NREP: variants seen among roughly 807,000 people sequenced by gnomAD.
The protein encoded by NREP is neuronal regeneration-related protein.
Under a neutral mutation model 8.6 loss-of-function variants are expected in NREP, and 5 were observed. That is an observed-to-expected ratio of 0.58 (90% CI 0.30 to 1.22). NREP has a LOEUF of 1.22. Ranked by LOEUF, NREP falls within the 50% of genes most tolerant of loss-of-function variation. The probability of loss-of-function intolerance (pLI) is 0.07; values close to 1 mark genes in which losing one functional copy is unlikely to be tolerated. For synonymous variants in NREP, 27 were observed against 28.0 expected (o/e 0.96, Z 0.11); for missense variants, 86 against 82.5 (o/e 1.04, Z -0.17).
chr5:111,932,266 ATGT>A (rs1437716822), intron 2 of NREP, among the ~76,000 whole-genome samples: 1 of 152,082 alleles, frequency 6.6e-6, no homozygotes, highest in Non-Finnish European at 1.5e-5. Context: ...TGGGGCATAA[ATGT>A]TGTACCAAAC....
upstream of NREP, among the ~76,000 whole-genome samples, chr5:111,760,743 C>T (rs182004142): frequency 5.4e-4 from 83 of 152,314 alleles, no homozygotes; most frequent in African/African-American, 1.9e-3. Flanking sequence ...TGACTGATGA[C>T]ATCCAGATGG....
rs564370581 is a variant in NREP, at chr5:111,841,775, G to T, written c.136-106268C>A. ...CTCAGTGATTTCGAATAGGTTTAGA[G>T]ACCCCTCTTCTGGTCAATAAGCAGA... On this transcript the variant is annotated intron_variant, in intron 2 of 3. Transcript: ENST00000395634. 2.0e-5 allele frequency among the ~76,000 whole-genome samples: 3 copies of T among 152,196 alleles called. No individual in the cohort carries two copies. The East Asian group carries it at 5.8e-4, about 29-fold the overall frequency.
At position 111,730,177 on chromosome 5, in the gene NREP, TA is replaced by T. The variant is rs1490956005; in HGVS notation, c.*743del. 1.3e-5 allele frequency: 2 copies of T among 152,512 alleles called. No homozygotes were observed. Among genetic ancestry groups the T allele is most frequent in the African/African-American group, 4.8e-5 (2 of 41,412 alleles). The allele number at this position is 152,512 out of a possible 1,614,324, so 9.4% of individuals were successfully genotyped here. A position where few individuals can be genotyped will look rare whatever the true frequency, so the allele number is the denominator to read the frequency against. ...GAGACAATGGTCTCTCACACTCTGGTAGCATTCGCTCAACCTACAACACTGA... is the reference window on the plus strand; with the variant it reads ...GAGACAATGGTCTCTCACACTCTGGTGCATTCGCTCAACCTACAACACTGA... On this transcript the variant is annotated 3_prime_UTR_variant, in exon 4 of 4. Coordinates refer to ENST00000257435, the MANE Select transcript of NREP (RefSeq NM_004772.4).
At chr5:111,819,600 T>C (rs1171441361) in intron 2 of NREP, among the ~76,000 whole-genome samples, 2 of 152,232 alleles carry the variant, frequency 1.3e-5, no homozygotes, top group African/African-American at 4.8e-5. Context: ...TAGTGAACCA[T>C]TGCTCCTGGG....
intron 2 of NREP, among the ~76,000 whole-genome samples, chr5:111,773,302 A>G (rs1249749628): frequency 6.6e-6 from 1 of 152,180 alleles, no homozygotes; most frequent in Non-Finnish European, 1.5e-5. Flanking sequence ...ATAAACATAC[A>G]TAAAAACTAA....
chr5:111,913,515 C>T (rs1374169171), intron 2 of NREP, among the ~76,000 whole-genome samples: 1 of 151,970 alleles, frequency 6.6e-6, no homozygotes, highest in African/African-American at 2.4e-5. Context: ...AGACATCTTC[C>T]CAGATTAACA....
chr5:111,915,071 T>G (rs1755018924), intron 2 of NREP, among the ~76,000 whole-genome samples: 2 of 152,140 alleles, frequency 1.3e-5, no homozygotes, highest in African/African-American at 4.8e-5. Context: ...GTCTTTGTGC[T>G]TGTTTCCTTG....
chr5:111,787,103 G>A (rs1211862053), intron 2 of NREP, among the ~76,000 whole-genome samples: 1 of 152,242 alleles, frequency 6.6e-6, no homozygotes, highest in Non-Finnish European at 1.5e-5. Flanking sequence ...CTTAGGAAAT[G>A]TCTCTGTCCT....
At chr5:111,947,655 T>C (rs113868701) in intron 2 of NREP, among the ~76,000 whole-genome samples, 5 of 152,058 alleles carry the variant, frequency 3.3e-5, no homozygotes, top group Admixed American at 6.6e-5. Context: ...GTGGTATCTA[T>C]AGAGGTTCGA....
intron 2 of NREP, chr5:111,974,252 G>A (rs1298568214): frequency 1.3e-5 from 2 of 152,176 alleles, no homozygotes; most frequent in African/African-American, 4.8e-5. Context: ...AGGTGGGCTT[G>A]CATCCAAGAA....
chr5:111,870,826 G>C (rs1036258903), intron 2 of NREP, among the ~76,000 whole-genome samples: 4 of 152,174 alleles, frequency 2.6e-5, no homozygotes, highest in Non-Finnish European at 5.9e-5. Flanking sequence ...GCCACCACTG[G>C]AAGCTAAGAA....
rs1754215845 is a variant in NREP, at chr5:111,885,450, TTCTTCACAGAATTGGAAAAA to T, written c.135+89804_135+89823del. ...CATCCCCATCAAGCTACCAATGACT[TTCTTCACAGAATTGGAAAAA>T]ACTACTTTAAAGTTCATATGGAACC... is the stretch of plus-strand genomic sequence containing the variant. On this transcript the variant is annotated intron_variant, in intron 2 of 3. Transcript: ENST00000395634. Among the ~76,000 whole-genome samples the T allele has an allele frequency of 2.6e-5, 4 of 151,952 alleles. No homozygotes were observed. In the South Asian group the frequency reaches 8.3e-4, roughly 32 times the overall value.
intron 2 of NREP, among the ~76,000 whole-genome samples, chr5:111,892,828 C>T (rs1468097366): frequency 6.6e-6 from 1 of 152,028 alleles, no homozygotes; most frequent in Non-Finnish European, 1.5e-5. Context: ...CTTCCATAAA[C>T]CCTACGAAAA....
At chr5:111,951,460 G>T (rs1170221249) in intron 2 of NREP, among the ~76,000 whole-genome samples, 5 of 152,042 alleles carry the variant, frequency 3.3e-5, no homozygotes, top group Non-Finnish European at 7.4e-5. Flanking sequence ...CATAGCGGTG[G>T]TCATAGTGCT....
At chr5:111,815,541 A>G (rs1226880196) in intron 2 of NREP, among the ~76,000 whole-genome samples, 2 of 151,860 alleles carry the variant, frequency 1.3e-5, no homozygotes, top group Admixed American at 6.6e-5. Context: ...ATAAAAAGAT[A>G]GAATTTTTCA....
intron 2 of NREP, among the ~76,000 whole-genome samples, chr5:111,815,820 C>T (rs1306239546): frequency 6.6e-6 from 1 of 152,040 alleles, no homozygotes; most frequent in African/African-American, 2.4e-5. Context: ...GTCCAAGAAA[C>T]CCCATGTAAG....
rs867710319 is a variant in NREP at position 111,970,264 on chromosome 5, G to A, written c.135+5010C>T. Among the ~76,000 whole-genome samples the A allele has an allele frequency of 1.4e-3, 208 of 152,086 alleles. 1 individual carries two copies. The highest frequency in any genetic ancestry group is 4.9e-3 in the African/African-American group (201 of 41,406). On this transcript the variant is annotated intron_variant, in intron 2 of 3. Coordinates refer to the NREP transcript ENST00000395634. ...AATTATTTTGTGTCTAAGACAACTA[G>A]TAAAATAAACATATCTGCTTACATA...
intron 2 of NREP, among the ~76,000 whole-genome samples, chr5:111,943,247 G>A (rs188620877): frequency 3.0e-4 from 45 of 152,080 alleles, no homozygotes; most frequent in East Asian, 7.8e-4. Flanking sequence ...ATCAGGTGCC[G>A]GTTATGCTGC....
intron 2 of NREP, among the ~76,000 whole-genome samples, chr5:111,923,863 T>C (rs78679392): frequency 3.2e-4 from 48 of 152,162 alleles, no homozygotes; most frequent in Non-Finnish European, 6.3e-4. Context: ...TTAAAGACCC[T>C]TTTTGATTCT....
Sources: gnomAD v4.1 joint callset for allele counts (sites outside exome capture counted in the v4.1 genomes callset) on GRCh38, gnomAD v4.1.1 for gene constraint, MANE v1.5 for transcripts, NCBI Gene and HGNC (gene_info 2026-07-23, HGNC 2026-07-21) for gene names.